The following LIPC variants were observed in gnomAD, a reference collection of about 807,000 sequenced individuals.
LIPC encodes hepatic triacylglycerol lipase.
In LIPC, 44 loss-of-function variants were observed where a neutral mutation model predicts 50.7. The ratio of observed to expected loss-of-function variants is 0.87; its 90% CI spans 0.68 to 1.11. The LOEUF is 1.11. Ranked by LOEUF, LIPC falls within the 50% of genes most tolerant of loss-of-function variation. The probability of loss-of-function intolerance (pLI) is 0.00; values close to 1 mark genes in which losing one functional copy is unlikely to be tolerated. For missense variants in LIPC, 697 were observed against 648.2 expected (o/e 1.08, Z -0.82); for synonymous variants, 271 against 256.4 (o/e 1.06, Z -0.54).
intron 1 of LIPC, among the ~76,000 whole-genome samples, chr15:58,441,194 A>C (rs1456685231): frequency 6.6e-6 from 1 of 152,198 alleles, no homozygotes; most frequent in African/African-American, 2.4e-5. Context: ...CTTTTCCTCC[A>C]AGACAAGCCT....
chr15:58,493,215 C>G (rs868350302), intron 1 of LIPC, among the ~76,000 whole-genome samples: 3 of 152,148 alleles, frequency 2.0e-5, no homozygotes, highest in Admixed American at 6.5e-5. Flanking sequence ...GCTCACATAA[C>G]TAGCAAGGCG....
At chr15:58,464,558 C>T (rs966515097) in intron 1 of LIPC, among the ~76,000 whole-genome samples, 26 of 152,248 alleles carry the variant, frequency 1.7e-4, no homozygotes, top group African/African-American at 5.3e-4. Flanking sequence ...TTATGCCAGT[C>T]CTTGAATTCT....
chr15:58,442,814 A>G (rs1169133442), intron 1 of LIPC, among the ~76,000 whole-genome samples: 1 of 147,028 alleles, frequency 6.8e-6, no homozygotes, highest in Non-Finnish European at 1.5e-5. Flanking sequence ...AAACCTCCCA[A>G]GGTCCTGTGA....
chr15:58,525,837 A>C (rs1162084961), intron 1 of LIPC, among the ~76,000 whole-genome samples: 1 of 152,236 alleles, frequency 6.6e-6, no homozygotes, highest in African/African-American at 2.4e-5. Flanking sequence ...GAACCCTTCA[A>C]GGAGGAAGAT....
chr15:58,530,968 A>G (rs961580934), intron 1 of LIPC, among the ~76,000 whole-genome samples: 1 of 152,228 alleles, frequency 6.6e-6, no homozygotes, highest in South Asian at 2.1e-4. Context: ...GCTGCCATGA[A>G]CATTTGAATA....
At chr15:58,550,624 G>C (rs1893715744) in intron 6 of LIPC, among the ~76,000 whole-genome samples, 1 of 152,032 alleles carries the variant, frequency 6.6e-6, no homozygotes, top group South Asian at 2.1e-4. Flanking sequence ...GCTCGGTGGA[G>C]ACTAACCCAC....
chr15:58,522,168 C>A (rs1968682), intron 1 of LIPC: 4,966 of 152,296 alleles, frequency 0.033, 130 homozygotes, highest in Non-Finnish European at 0.052. Flanking sequence ...GTGAGGATCC[C>A]TTCTCTTTGA....
intron 1 of LIPC, among the ~76,000 whole-genome samples, chr15:58,484,595 C>T (rs1262749596): frequency 1.3e-5 from 2 of 152,230 alleles, no homozygotes; most frequent in Non-Finnish European, 2.9e-5. Context: ...TGTGGGGAAA[C>T]TGAGGCACAG....
chr15:58,439,576 C>T (rs567926230), intron 1 of LIPC, among the ~76,000 whole-genome samples: 2 of 152,170 alleles, frequency 1.3e-5, no homozygotes, highest in East Asian at 1.9e-4. Flanking sequence ...CCTGAGTAGC[C>T]GCGATTACAG....
intron 1 of LIPC, among the ~76,000 whole-genome samples, chr15:58,466,165 T>C (rs1894555557): frequency 6.6e-6 from 1 of 152,254 alleles, no homozygotes; most frequent in African/African-American, 2.4e-5. Context: ...TCGTGAGATA[T>C]CTATCCATCT....
At chr15:58,510,248 T>C (rs1240494621) in intron 1 of LIPC, among the ~76,000 whole-genome samples, 1 of 152,232 alleles carries the variant, frequency 6.6e-6, no homozygotes, top group Non-Finnish European at 1.5e-5. Context: ...TATCTTTGAA[T>C]GTGGAATATA....
At chr15:58,444,214 C>T (rs1453315624) in intron 1 of LIPC, among the ~76,000 whole-genome samples, 1 of 152,166 alleles carries the variant, frequency 6.6e-6, no homozygotes, top group Non-Finnish European at 1.5e-5. Context: ...TAGAGGGACT[C>T]CCCTTCCTGA....
chr15:58,467,254 C>T (rs1455466649), intron 1 of LIPC, among the ~76,000 whole-genome samples: 4 of 152,192 alleles, frequency 2.6e-5, no homozygotes, highest in African/African-American at 9.7e-5. Flanking sequence ...TCATCCCTGA[C>T]CGTAGGCTCT....
intron 1 of LIPC, among the ~76,000 whole-genome samples, chr15:58,451,504 A>G (rs1241574550): frequency 6.6e-6 from 1 of 152,118 alleles, no homozygotes; most frequent in African/African-American, 2.4e-5. Flanking sequence ...ACTTCCAGAG[A>G]GACCACACTT....
At chr15:58,455,725 T>C (rs1245704052) in intron 1 of LIPC, among the ~76,000 whole-genome samples, 3 of 152,222 alleles carry the variant, frequency 2.0e-5, no homozygotes, top group African/African-American at 4.8e-5. Flanking sequence ...TGAAAATCAA[T>C]TGCTATTTGG....
intron 1 of LIPC, among the ~76,000 whole-genome samples, chr15:58,446,370 A>T (rs1485062024): frequency 6.6e-6 from 1 of 152,172 alleles, no homozygotes; most frequent in African/African-American, 2.4e-5. Context: ...ATTCTCCTAC[A>T]TAGCCCCAGT....
At chr15:58,502,354 G>A (rs1892010822) in intron 1 of LIPC, among the ~76,000 whole-genome samples, 1 of 152,094 alleles carries the variant, frequency 6.6e-6, no homozygotes, top group Admixed American at 6.5e-5. Flanking sequence ...TGGACAGCAG[G>A]ATTGTGACTT....
intron 1 of LIPC, among the ~76,000 whole-genome samples, chr15:58,519,151 G>A (rs1892574457): frequency 6.6e-6 from 1 of 152,090 alleles, no homozygotes; most frequent in South Asian, 2.1e-4. Flanking sequence ...GCTCACGCCT[G>A]TAATCCCAGA....
intron 1 of LIPC, chr15:58,521,780 A>G (rs2140876462): frequency 6.6e-6 from 1 of 152,634 alleles, no homozygotes; most frequent in African/African-American, 2.4e-5. Context: ...GGTTGAAGGT[A>G]GGAGGTGGAA....
Sources: allele counts gnomAD v4.1 joint callset (sites outside exome capture counted in the v4.1 genomes callset), GRCh38; gene constraint gnomAD v4.1.1; transcripts MANE v1.5; gene names NCBI Gene and HGNC (gene_info 2026-07-23, HGNC 2026-07-21).